SLC45A4: variants seen among roughly 807,000 people sequenced by gnomAD.
The protein encoded by SLC45A4 is polyamine-transporter SLC45A4.
In SLC45A4, 32 loss-of-function variants were observed where a neutral mutation model predicts 63.7. The ratio of observed to expected loss-of-function variants is 0.50; its 90% CI spans 0.38 to 0.67. The LOEUF is 0.67. Ranked by LOEUF, SLC45A4 falls within the 30% of genes least tolerant of loss-of-function variation. SLC45A4 has a pLI of 0.00. For missense variants in SLC45A4, 1,027 were observed against 1,157.7 expected, an observed-to-expected ratio of 0.89 and a Z score of 1.64; for synonymous variants, 535 against 510.0, an observed-to-expected ratio of 1.05 and a Z score of -0.66.
Position 141,208,020 on chromosome 8 carries a change from G to A in SLC45A4, c.*3552C>T, listed in dbSNP as rs2288999. On this transcript the variant is annotated 3_prime_UTR_variant, in exon 9 of 9. Transcript: ENST00000517878. ...AGCTGGTGTCTCTCAGAAGCGGCGCGTGCTGGTGGGAGGCGGAGGGACAAA... is the reference window on the plus strand; with the variant it reads ...AGCTGGTGTCTCTCAGAAGCGGCGCATGCTGGTGGGAGGCGGAGGGACAAA... The A allele has an allele frequency of 0.45, 68,578 of 152,224 alleles. 15,776 individuals are homozygous for A. The highest frequency in any genetic ancestry group is 0.63 in the East Asian group (3,258 of 5,182). The allele number at this position is 152,224 out of a possible 1,614,324, so 9.4% of individuals were successfully genotyped here.
At chr8:141,261,940 G>A (rs1201910379) in intron 1 of SLC45A4, among the ~76,000 whole-genome samples, 6 of 152,196 alleles carry the variant, frequency 3.9e-5, no homozygotes, top group Non-Finnish European at 5.9e-5. Flanking sequence ...CAAAGCTGGA[G>A]GCATCACGCT....
rs1244178949 is a variant in SLC45A4 at position 141,208,449 on chromosome 8, G to A, written c.*3123C>T. The A allele has an allele frequency of 1.3e-5, 2 of 152,176 alleles. No homozygotes were observed. Among genetic ancestry groups the A allele is most frequent in the Non-Finnish European group, 1.5e-5 (1 of 68,080 alleles). The allele number at this position is 152,176 out of a possible 1,614,324, so 9.4% of individuals were successfully genotyped here. ...AGTCCTCCACACCTGGGGCATTCAA[G>A]AAACACTCCTGATGGCTGTTGGAAG... On this transcript the variant is annotated 3_prime_UTR_variant, in exon 9 of 9. Coordinates refer to ENST00000517878, the MANE Select transcript of SLC45A4 (RefSeq NM_001286646.2).
intron 1 of SLC45A4, among the ~76,000 whole-genome samples, chr8:141,297,632 A>G (rs1161460760): frequency 2.0e-5 from 3 of 152,216 alleles, no homozygotes; most frequent in Non-Finnish European, 2.9e-5. Flanking sequence ...AGATGGCACG[A>G]ACTGTCAGGA....
At chr8:141,263,899 A>C (rs937445617) in intron 1 of SLC45A4, among the ~76,000 whole-genome samples, 9 of 152,192 alleles carry the variant, frequency 5.9e-5, no homozygotes, top group African/African-American at 2.2e-4. Context: ...TAGAGGGTGG[A>C]ACTGCAGGGG....
rs563425544 is a variant in SLC45A4 at position 141,249,145 on chromosome 8, A to G, written c.241+4844T>C. On this transcript the variant is annotated intron_variant, in intron 2 of 8. Transcript: ENST00000517878. ...ATTGACGACGATGTGGAGAAATGGGAACTGTCCTACGCTGCAGTGGGAATG... is the reference window on the plus strand; with the variant it reads ...ATTGACGACGATGTGGAGAAATGGGGACTGTCCTACGCTGCAGTGGGAATG... Among the ~76,000 whole-genome samples, 187 of 152,292 alleles carry G rather than the reference A, an allele frequency of 1.2e-3. 2 individuals carry two copies. The highest frequency in any genetic ancestry group is 1.6e-4 in the Non-Finnish European group (11 of 68,026).
intron 2 of SLC45A4, among the ~76,000 whole-genome samples, chr8:141,238,451 T>C (rs1488882446): frequency 6.6e-6 from 1 of 152,084 alleles, no homozygotes; most frequent in Admixed American, 6.5e-5. Context: ...TGAAACTCTG[T>C]CCCCACAAAA....
At chr8:141,292,265 G>A (rs1389387840) in intron 1 of SLC45A4, among the ~76,000 whole-genome samples, 2 of 152,204 alleles carry the variant, frequency 1.3e-5, no homozygotes, top group East Asian at 1.9e-4. Flanking sequence ...TTCTGGGCCC[G>A]CCAATCCAGC....
In SLC45A4 at chr8:141,227,733, A is replaced by G. The variant is rs1589783993; in HGVS notation, c.242-5968T>C. On this transcript the variant is annotated intron_variant, in intron 2 of 8. Coordinates refer to ENST00000517878, the MANE Select transcript of SLC45A4 (RefSeq NM_001286646.2). The surrounding 1 kb of genome is among the most constrained non-coding windows in gnomAD (Gnocchi z 4.4). ...CTGCAAGGAATGTTCCAGAACCACT[A>G]CAGCCACAGGAAGATAGGGAGGGGG... is the stretch of plus-strand genomic sequence containing the variant. Among the ~76,000 whole-genome samples, 1 of 152,202 alleles carries G rather than the reference A, an allele frequency of 6.6e-6. No homozygotes were observed. Among genetic ancestry groups the G allele is most frequent in the Non-Finnish European group, 1.5e-5 (1 of 68,032 alleles).
At chr8:141,221,841 ACAGG>A in intron 2 of SLC45A4, 76 bp from the exon 3 acceptor site, 1 of 1,515,026 alleles carries the variant, frequency 6.6e-7, no homozygotes, top group Non-Finnish European at 9.0e-7. Context: ...GAGCCCCGCG[ACAGG>A]CAGGTGCCTC....
intron 2 of SLC45A4, among the ~76,000 whole-genome samples, chr8:141,223,089 T>C (rs1305585890): frequency 6.6e-6 from 1 of 152,176 alleles, no homozygotes; most frequent in Admixed American, 6.5e-5. Flanking sequence ...TAAACTTGTG[T>C]GGGAGGAGGA....
intron 1 of SLC45A4, among the ~76,000 whole-genome samples, chr8:141,301,954 A>G (rs1830759885): frequency 6.6e-6 from 1 of 151,828 alleles, no homozygotes; most frequent in Admixed American, 6.6e-5. Context: ...AGAGGGAAAC[A>G]CTGTCTCAAA....
At chr8:141,277,646 A>AT (rs533708800) in intron 1 of SLC45A4, among the ~76,000 whole-genome samples, 4,357 of 147,740 alleles carry the variant, frequency 0.029, 222 homozygotes, top group African/African-American at 0.098. Flanking sequence ...ATCTTTAAAC[A>AT]TTTTTTTTTT....
chr8:141,213,039 A>G (rs571045093), intron 7 of SLC45A4, among the ~76,000 whole-genome samples: 61 of 149,490 alleles, frequency 4.1e-4, no homozygotes, highest in Middle Eastern at 3.4e-3. Flanking sequence ...ACAAAGATAC[A>G]AAAGAAAACT....
At chr8:141,236,887 C>G (rs1278200746) in intron 2 of SLC45A4, among the ~76,000 whole-genome samples, 1 of 152,162 alleles carries the variant, frequency 6.6e-6, no homozygotes, top group Non-Finnish European at 1.5e-5. Context: ...GAGGGTAGCA[C>G]TAACACATGG....
rs527736345 is a variant in SLC45A4, at chr8:141,254,694, C to T, written c.-400-65G>A. Reference sequence around the variant, plus strand: ...ACGGCCACCAGATGGCCCTGTGGACCGCCGCCCGACCCCCGAGCAAGCCGT... The same window carrying T: ...ACGGCCACCAGATGGCCCTGTGGACTGCCGCCCGACCCCCGAGCAAGCCGT... On this transcript the variant is annotated intron_variant, in intron 1 of 8. Transcript: ENST00000517878. This position sits in a 1 kb window ranked among gnomAD's most constrained non-coding sequence, Gnocchi z 4.5. 443 of 693,634 alleles carry T rather than the reference C, an allele frequency of 6.4e-4. No individual in the cohort carries two copies. The highest frequency in any genetic ancestry group is 4.2e-3 in the Middle Eastern group (18 of 4,326). The allele number at this position is 693,634 out of a possible 1,614,324, so 43.0% of individuals were successfully genotyped here. A position where few individuals can be genotyped will look rare whatever the true frequency, so the allele number is the denominator to read the frequency against.
intron 1 of SLC45A4, among the ~76,000 whole-genome samples, chr8:141,266,187 AC>A (rs1439374667): frequency 6.6e-6 from 1 of 152,160 alleles, no homozygotes. Context: ...TCCGGACAAC[AC>A]GCGTCCGCAC....
intron 1 of SLC45A4, among the ~76,000 whole-genome samples, chr8:141,286,768 C>A (rs866470154): frequency 1.4e-5 from 2 of 142,106 alleles, no homozygotes; most frequent in Non-Finnish European, 3.1e-5. Context: ...CGACCCCATA[C>A]CACGGCCTCC....
intron 1 of SLC45A4, among the ~76,000 whole-genome samples, chr8:141,269,793 A>G (rs762927547): frequency 2.0e-5 from 3 of 152,030 alleles, no homozygotes; most frequent in Non-Finnish European, 4.4e-5. Flanking sequence ...ACATCTGTGC[A>G]TGTGTATGTG....
intron 5 of SLC45A4, 82 bp downstream of exon 5, chr8:141,217,929 C>T (rs895359438): frequency 1.4e-6 from 2 of 1,453,514 alleles, no homozygotes; most frequent in Non-Finnish European, 9.2e-7. Flanking sequence ...GAGGAAGAGG[C>T]CCCCCGGCCC....
Sources: allele counts gnomAD v4.1 joint callset (sites outside exome capture counted in the v4.1 genomes callset), GRCh38; gene constraint gnomAD v4.1.1; non-coding constraint Gnocchi (gnomAD v3.1); transcripts MANE v1.5; gene names NCBI Gene and HGNC (gene_info 2026-07-23, HGNC 2026-07-21).